The following BAIAP2L1 variants were observed in gnomAD, a reference collection of about 807,000 sequenced individuals.
BAIAP2L1 encodes BAR/IMD domain-containing adapter protein 2-like 1.
A neutral mutation model predicts 66.3 loss-of-function variants in BAIAP2L1; 35 were observed. The observed-to-expected ratio is 0.53, with a 90% CI of 0.40 to 0.70. The LOEUF (loss-of-function observed/expected upper bound fraction) is 0.70, where lower values mean the gene tolerates loss of function less well. Ranked by LOEUF, BAIAP2L1 falls within the 30% of genes least tolerant of loss-of-function variation. The pLI is 0.00. For synonymous variants in BAIAP2L1, 269 were observed against 248.7 expected (o/e 1.08, Z -0.77); for missense variants, 622 against 656.9 (o/e 0.95, Z 0.58).
rs184491310 is a variant in BAIAP2L1, at chr7:98,365,771, C to T, written c.52-3339G>A. 1.7e-3 allele frequency among the ~76,000 whole-genome samples: 261 copies of T among 152,322 alleles called. 1 individual carries two copies. The highest frequency in any genetic ancestry group is 6.1e-3 in the African/African-American group (253 of 41,588). ...CTGGGATTACAGGTGTGAGCCACCA[C>T]GCCCAGCCTTTTGATTGCTTCTTTT... On this transcript the variant is annotated intron_variant, in intron 1 of 13. Coordinates refer to ENST00000005260, the MANE Select transcript of BAIAP2L1 (RefSeq NM_018842.5).
intron 2 of BAIAP2L1, among the ~76,000 whole-genome samples, chr7:98,355,658 G>A (rs1802103406): frequency 6.6e-6 from 1 of 151,972 alleles, no homozygotes; most frequent in Non-Finnish European, 1.5e-5. Flanking sequence ...GAGCCCAGGA[G>A]GCGGAGGTTG....
At chr7:98,370,626 T>C (rs1188078502) in intron 1 of BAIAP2L1, among the ~76,000 whole-genome samples, 2 of 151,442 alleles carry the variant, frequency 1.3e-5, no homozygotes, top group African/African-American at 4.8e-5. Context: ...CTCAGCCCCC[T>C]GAGTAGCTGG....
intron 3 of BAIAP2L1, among the ~76,000 whole-genome samples, chr7:98,349,984 G>A (rs182500629): frequency 4.6e-5 from 7 of 152,144 alleles, no homozygotes; most frequent in African/African-American, 7.2e-5. Context: ...CAGGCATGGT[G>A]GTGTATGCAT....
rs370094884 is a variant in BAIAP2L1, at chr7:98,293,474, C to T, written c.*47G>A. ...TGGCAGACAGGATGCGCCCATCATT[C>T]CGCAAGGGAGAACCGGAGAGGCCCG... On this transcript the variant is annotated 3_prime_UTR_variant, in exon 14 of 14. Coordinates refer to ENST00000005260, the MANE Select transcript of BAIAP2L1 (RefSeq NM_018842.5). 41 of 1,565,836 alleles carry T rather than the reference C, an allele frequency of 2.6e-5. No individual in the cohort carries two copies. The highest frequency in any genetic ancestry group is 3.5e-5 in the Non-Finnish European group (40 of 1,138,024).
At chr7:98,394,242 A>AAAATAAAC (rs1803144913) in intron 1 of BAIAP2L1, among the ~76,000 whole-genome samples, 1 of 150,442 alleles carries the variant, frequency 6.6e-6, no homozygotes, top group Non-Finnish European at 1.5e-5. Flanking sequence ...CTCCGTCTCA[A>AAAATAAAC]AAACAAACAA....
intron 1 of BAIAP2L1, among the ~76,000 whole-genome samples, chr7:98,391,251 G>A (rs895965042): frequency 6.6e-6 from 1 of 152,002 alleles, no homozygotes; most frequent in Non-Finnish European, 1.5e-5. Context: ...TCTGACTTGG[G>A]CTCATCTATT....
chr7:98,337,716 G>C (rs978731866), intron 3 of BAIAP2L1, among the ~76,000 whole-genome samples: 4 of 152,114 alleles, frequency 2.6e-5, no homozygotes, highest in Admixed American at 6.5e-5. Context: ...AGGAGTTCGA[G>C]ACCAGCCTGG....
chr7:98,332,851 C>T (rs1191089731), intron 3 of BAIAP2L1, among the ~76,000 whole-genome samples: 1 of 151,298 alleles, frequency 6.6e-6, no homozygotes, highest in Non-Finnish European at 1.5e-5. Context: ...CATCTCTCCT[C>T]AGTTGACAAC....
intron 2 of BAIAP2L1, among the ~76,000 whole-genome samples, chr7:98,358,823 C>T (rs1190498702): frequency 2.0e-5 from 3 of 152,120 alleles, no homozygotes; most frequent in Non-Finnish European, 2.9e-5. Context: ...CCCCAGAGCC[C>T]GTAGTAGATT....
At chr7:98,294,584 CACAGAAGAAAACATTTGTGCCAA>C (rs1210010295) in intron 12 of BAIAP2L1, among the ~76,000 whole-genome samples, 1 of 152,172 alleles carries the variant, frequency 6.6e-6, no homozygotes, top group Non-Finnish European at 1.5e-5. Context: ...AGAGCGACAT[CACAGAAGAAAACATTTGTGCCAA>C]ACAGAACCTC....
chr7:98,304,403 T>A, intron 11 of BAIAP2L1, 27 bp from the exon 12 acceptor site: 3 of 1,610,804 alleles, frequency 1.9e-6, no homozygotes, highest in Non-Finnish European at 2.5e-6. Flanking sequence ...ACACAGCACG[T>A]GTTAGATAAT....
rs749542573 is a variant in BAIAP2L1 at position 98,312,111 on chromosome 7, C to T, written c.793G>A (p.Glu265Lys). The T allele has an allele frequency of 8.1e-6, 13 of 1,599,704 alleles. No individual in the cohort carries two copies. The highest frequency in any genetic ancestry group is 3.4e-4 in the Middle Eastern group (2 of 5,968). ...CTGGCTCCTACCACATTGCTTCTCTCGATCATGGGTGAAGCCTGAGGAGTT... is the reference window on the plus strand; with the variant it reads ...CTGGCTCCTACCACATTGCTTCTCTTGATCATGGGTGAAGCCTGAGGAGTT... ...SGTPQASPMI[E>K]RSNVVRKDYD... is the part of the protein sequence containing the mutation. The change falls in exon 8 of 14, where the codon GAG becomes AAG. Residue 265 changes from glutamate to lysine, a missense_variant. Glu to Lys is a moderately conservative substitution (Grantham distance 56, BLOSUM62 1). Transcript: ENST00000005260.
chr7:98,318,636 C>G (rs576364360), intron 5 of BAIAP2L1, among the ~76,000 whole-genome samples: 1 of 151,346 alleles, frequency 6.6e-6, no homozygotes, highest in African/African-American at 2.4e-5. Flanking sequence ...TCCCTATAAT[C>G]TGTGAAGTGC....
At chr7:98,327,850 T>C (rs953873503) in intron 3 of BAIAP2L1, among the ~76,000 whole-genome samples, 9 of 152,096 alleles carry the variant, frequency 5.9e-5, no homozygotes, top group South Asian at 2.1e-4. Context: ...TCCAGTGTGG[T>C]TGAGGGAGGT....
intron 1 of BAIAP2L1, among the ~76,000 whole-genome samples, chr7:98,385,216 G>A (rs558608613): frequency 1.5e-4 from 23 of 151,768 alleles, no homozygotes; most frequent in Non-Finnish European, 2.6e-4. Flanking sequence ...GCAGAGGTGG[G>A]AGGATTATTT....
intron 7 of BAIAP2L1, 40 bp from the exon 8 acceptor site, chr7:98,312,304 T>C: frequency 6.4e-7 from 1 of 1,563,848 alleles, no homozygotes. Context: ...CAAAGAAGAT[T>C]GTCTGAAGAG....
chr7:98,306,635 G>T (rs955959958), intron 10 of BAIAP2L1, 119 bp from the exon 11 acceptor site: 3 of 1,433,788 alleles, frequency 2.1e-6, no homozygotes, highest in African/African-American at 2.8e-5. Flanking sequence ...ACGCCCATGT[G>T]TGGAGGAAAT....
chr7:98,339,910 C>A (rs1456834915), intron 3 of BAIAP2L1, among the ~76,000 whole-genome samples: 3 of 152,114 alleles, frequency 2.0e-5, no homozygotes, highest in Non-Finnish European at 4.4e-5. Context: ...CTTTGCGCCA[C>A]CCCCCCTCGC....
chr7:98,362,242 G>A (rs1802283392), intron 2 of BAIAP2L1, 115 bp downstream of exon 2: 1 of 761,700 alleles, frequency 1.3e-6, no homozygotes, highest in South Asian at 2.0e-5. Context: ...TAAATTCATT[G>A]TGAACAATTT....
Sources: gnomAD v4.1 joint callset for allele counts (sites outside exome capture counted in the v4.1 genomes callset) on GRCh38, gnomAD v4.1.1 for gene constraint, MANE v1.5 for transcripts, NCBI Gene and HGNC (gene_info 2026-07-23, HGNC 2026-07-21) for gene names.